Variants in DAO observed in about 807,000 individuals in gnomAD.
The protein encoded by DAO is D-amino acid oxidase.
A neutral mutation model predicts 50.1 loss-of-function variants in DAO; 51 were observed. The observed-to-expected ratio is 1.02, with a 90% CI of 0.81 to 1.29. DAO has a LOEUF of 1.29. Ranked by LOEUF, DAO falls within the 50% of genes most tolerant of loss-of-function variation. The pLI is 0.00. For missense variants in DAO, 436 were observed against 439.4 expected (o/e 0.99, Z 0.07); for synonymous variants, 160 against 166.2 (o/e 0.96, Z 0.29).
rs762930737 is a variant in DAO at position 108,885,201 on chromosome 12, G to T, written c.194+1G>T. 3 of 1,611,658 alleles carry T rather than the reference G, an allele frequency of 1.9e-6. No homozygotes were observed. The highest frequency in any genetic ancestry group is 2.5e-6 in the Non-Finnish European group (3 of 1,179,768). On this transcript the variant is annotated splice_donor_variant, in intron 2 of 10. Coordinates refer to ENST00000228476, the MANE Select transcript of DAO (RefSeq NM_001917.5). LOFTEE classifies it high-confidence loss of function. ...CTGACCCCAACAACCCACAGGAGGC[G>T]TGAGTGAGGGTCACATAGGGTAGCC...
At position 108,890,265 on chromosome 12, in the gene DAO, G is replaced by C. The variant is rs760772263; in HGVS notation, c.444G>C (p.Leu148=). 2.5e-6 allele frequency: 4 copies of C among 1,613,238 alleles called. No homozygotes were observed. In the Admixed American group the frequency reaches 5.0e-5, roughly 20 times the overall value. Residue 148 remains leucine (L), a synonymous_variant, in exon 5 of 11, where the codon CTG becomes CTC. Transcript: ENST00000228476. ...ILEGKNYLQW[L]TERLTERGVK... Reference sequence around the variant, plus strand: ...AGGGAAAGAACTATCTACAGTGGCTGACTGAAAGGTGAGATTTTAAGCTTC... The same window carrying C: ...AGGGAAAGAACTATCTACAGTGGCTCACTGAAAGGTGAGATTTTAAGCTTC...
chr12:108,883,250 G>A (rs1232107809), intron 1 of DAO, among the ~76,000 whole-genome samples: 4 of 152,106 alleles, frequency 2.6e-5, no homozygotes, highest in African/African-American at 9.7e-5. Context: ...AGGTTCAAGC[G>A]ATTCTCCTGC....
At chr12:108,891,073 G>A (rs574907519) in intron 5 of DAO, among the ~76,000 whole-genome samples, 7 of 152,138 alleles carry the variant, frequency 4.6e-5, no homozygotes, top group East Asian at 3.9e-4. Flanking sequence ...TGCCCGCCTC[G>A]GCCTCCCAAA....
intron 7 of DAO, among the ~76,000 whole-genome samples, chr12:108,896,654 AGGTTTCTCT>A (rs2039563991): frequency 6.6e-6 from 1 of 152,034 alleles, no homozygotes; most frequent in African/African-American, 2.4e-5. Flanking sequence ...CTCAGCTCCA[AGGTTTCTCT>A]GGGGCTCCTG....
chr12:108,886,002 T>C (rs2039432736), intron 2 of DAO, among the ~76,000 whole-genome samples: 1 of 152,228 alleles, frequency 6.6e-6, no homozygotes, highest in Non-Finnish European at 1.5e-5. Context: ...TCTGCCCACC[T>C]TGACCTCCCA....
At chr12:108,887,187 C>T (rs948076691) in intron 2 of DAO, among the ~76,000 whole-genome samples, 1 of 152,198 alleles carries the variant, frequency 6.6e-6, no homozygotes, top group African/African-American at 2.4e-5. Flanking sequence ...CATGTAATCC[C>T]ATGCTGGAGG....
rs1396597961 is a variant in DAO at position 108,893,007 on chromosome 12, T to C, written c.478T>C (p.Phe160Leu). 6.2e-7 allele frequency: 1 copy of C among 1,614,114 alleles called. No homozygotes were observed. Among genetic ancestry groups the C allele is most frequent in the East Asian group, 2.2e-5 (1 of 44,876 alleles). The change falls in exon 6 of 11, where the codon TTC (phenylalanine) becomes CTC (leucine). Residue 160 changes from phenylalanine (F) to leucine (L), a missense_variant. Transcript: ENST00000228476. ...ERLTERGVKF[F>L]QRKVESFEEV... is the part of the protein sequence containing the mutation. ...GTTAACTGAGAGGGGAGTGAAGTTC[T>C]TCCAGCGGAAAGTGGAGTCTTTTGA...
At chr12:108,890,795 A>G (rs2039482434) in intron 5 of DAO, among the ~76,000 whole-genome samples, 1 of 152,174 alleles carries the variant, frequency 6.6e-6, no homozygotes, top group African/African-American at 2.4e-5. Flanking sequence ...ATATTCACAT[A>G]CATTCATATT....
rs965828950 is a variant in DAO, at chr12:108,899,563, A to C, written c.912+88A>C. The stretch of plus-strand genomic sequence containing the variant: ...CAGGGAACAGTCATGTCTGATCTCA[A>C]GTTCCACACAGGCTCCATAGCAGGC... On this transcript the variant is annotated intron_variant, in intron 10 of 10. Coordinates refer to ENST00000228476, the MANE Select transcript of DAO (RefSeq NM_001917.5). 4 of 1,124,762 alleles carry C rather than the reference A, an allele frequency of 3.6e-6. No individual in the cohort carries two copies. The African/African-American group carries it at 4.6e-5, about 13-fold the overall frequency. The allele number at this position is 1,124,762 out of a possible 1,614,324, so 69.7% of individuals were successfully genotyped here. A position where few individuals can be genotyped will look rare whatever the true frequency, so the allele number is the denominator to read the frequency against.
rs1593164487 is a variant in DAO at position 108,894,330 on chromosome 12, A to T, written c.575A>T (p.Asp192Val). 2 of 1,613,664 alleles carry T rather than the reference A, an allele frequency of 1.2e-6. No homozygotes were observed. The highest frequency in any genetic ancestry group is 1.7e-6 in the Non-Finnish European group (2 of 1,179,926). Residue 192 changes from aspartate to valine, a missense_variant, in exon 7 of 11, where the codon GAC (aspartate) becomes GTC (valine). Physicochemically the swap from Asp to Val is radical, Grantham distance 152. Coordinates refer to ENST00000228476, the MANE Select transcript of DAO (RefSeq NM_001917.5). ...GTATGGGCTGGGGCGCTACAACGAGACCCCCTGCTGCAGCCAGGCCGGGGG... is the reference window on the plus strand; with the variant it reads ...GTATGGGCTGGGGCGCTACAACGAGTCCCCCTGCTGCAGCCAGGCCGGGGG... The part of the protein sequence containing the change: ...TGVWAGALQR[D>V]PLLQPGRGQI...
chr12:108,896,471 G>A (rs2039559205), intron 7 of DAO, among the ~76,000 whole-genome samples: 1 of 150,252 alleles, frequency 6.7e-6, no homozygotes, highest in African/African-American at 2.5e-5. Flanking sequence ...AAGGAATGGA[G>A]GAAGTTCTGT....
chr12:108,898,838 G>T, intron 9 of DAO, 42 bp downstream of exon 9: 2 of 1,376,364 alleles, frequency 1.5e-6, no homozygotes, highest in Non-Finnish European at 2.1e-6. Flanking sequence ...CCAAGGTCGT[G>T]GGAGCTTGGT....
Position 108,900,422 on chromosome 12 carries a change from C to A in DAO, c.931C>A (p.His311Asn). Residue 311 changes from histidine (H) to asparagine (N), a missense_variant, in exon 11 of 11, where the codon CAT (histidine) becomes AAT (asparagine). His to Asn is a moderately conservative substitution (Grantham distance 68, BLOSUM62 1). Coordinates refer to ENST00000228476, the MANE Select transcript of DAO (RefSeq NM_001917.5). ...CTCCTAGGTCATCCACAACTATGGC[C>A]ATGGAGGCTACGGGCTCACCATCCA... Reference protein sequence around the residue: ...SNTEVIHNYGHGGYGLTIHWG... With the variant: ...SNTEVIHNYGNGGYGLTIHWG... The A allele has an allele frequency of 6.2e-7, 1 of 1,614,120 alleles. No homozygotes were observed. The highest frequency in any genetic ancestry group is 1.1e-5 in the South Asian group (1 of 91,076).
At position 108,894,278 on chromosome 12, in the gene DAO, G is replaced by T; in HGVS notation, c.523G>T (p.Ala175Ser). 6.2e-7 allele frequency: 1 copy of T among 1,613,840 alleles called. No homozygotes were observed. Among genetic ancestry groups the T allele is most frequent in the Non-Finnish European group, 8.5e-7 (1 of 1,179,882 alleles). ...ESFEEVAREG[A>S]DVIVNCTGVW... ...TTGCTACCAGGTGGCAAGAGAAGGC[G>T]CAGACGTGATTGTCAACTGCACTGG... Residue 175 changes from alanine to serine, a missense_variant, in exon 7 of 11, where the codon GCA becomes TCA. Transcript: ENST00000228476.
intron 8 of DAO, chr12:108,898,440 C>T: frequency 1.9e-6 from 1 of 515,026 alleles, no homozygotes; most frequent in East Asian, 3.6e-5. Flanking sequence ...ATGATGAATG[C>T]AGTTGGTGGT....
Position 108,887,571 on chromosome 12 carries a change from G to A in DAO, c.309+7G>A. On this transcript the variant is annotated splice_region_variant and intron_variant, in intron 3 of 10. Transcript: ENST00000228476. ...CTTCCATGAAGCCATTCCGGTGGGT[G>A]AACAGTTCTTGACCATGAGGGATGA... The A allele has an allele frequency of 2.5e-6, 4 of 1,602,818 alleles. No homozygotes were observed. Among genetic ancestry groups the A allele is most frequent in the Non-Finnish European group, 2.6e-6 (3 of 1,169,814 alleles).
intron 10 of DAO, chr12:108,899,852 A>G: frequency 3.0e-6 from 1 of 338,664 alleles, no homozygotes; most frequent in Non-Finnish European, 5.7e-6. Context: ...TAACTGTCTC[A>G]TTGGCAATAT....
intron 1 of DAO, among the ~76,000 whole-genome samples, chr12:108,882,324 C>G (rs1469804871): frequency 6.6e-6 from 1 of 152,172 alleles, no homozygotes; most frequent in Non-Finnish European, 1.5e-5. Flanking sequence ...ACCAGCCTGG[C>G]CAACATGGTG....
chr12:108,900,197 A>T (rs1388007339), intron 10 of DAO: 3 of 560,948 alleles, frequency 5.3e-6, no homozygotes, highest in African/African-American at 1.9e-5. Context: ...ATTTCCAGAT[A>T]TCCATTTTGT....
Sources: allele counts gnomAD v4.1 joint callset (sites outside exome capture counted in the v4.1 genomes callset), GRCh38; gene constraint gnomAD v4.1.1; transcripts MANE v1.5; gene names NCBI Gene and HGNC (gene_info 2026-07-23, HGNC 2026-07-21).